GRM7: variants seen among roughly 807,000 people sequenced by gnomAD.
GRM7 encodes metabotropic glutamate receptor 7.
A neutral mutation model predicts 84.5 loss-of-function variants in GRM7; 35 were observed. That is an observed-to-expected ratio of 0.41 (90% CI 0.32 to 0.55). The LOEUF (loss-of-function observed/expected upper bound fraction) is 0.55. GRM7 is among the 20% of genes least tolerant of loss of function. The pLI is 0.19. For missense variants in GRM7, 1,003 were observed against 1,194.6 expected (o/e 0.84, Z 2.36); for synonymous variants, 487 against 455.1 (o/e 1.07, Z -0.89).
chr3:7,333,864 C>T (rs911318068), intron 4 of GRM7, among the ~76,000 whole-genome samples: 4 of 151,978 alleles, frequency 2.6e-5, no homozygotes, highest in Non-Finnish European at 5.9e-5. Flanking sequence ...GAAGAAAGAA[C>T]TTCAGAGCTC....
chr3:7,385,978 GCATA>G (rs761001260), intron 4 of GRM7, among the ~76,000 whole-genome samples: 3 of 152,158 alleles, frequency 2.0e-5, no homozygotes, highest in Non-Finnish European at 4.4e-5. Flanking sequence ...AGCAAAACGT[GCATA>G]CAGTCTGATT....
Position 7,337,605 on chromosome 3 carries a change from C to T in GRM7, c.1033+30953C>T, listed in dbSNP as rs577621824. ...TTAAAAAGTGGGCTAAGGACATGAA[C>T]AGACAATTCTCAAAAGATACACAAA... On this transcript the variant is annotated intron_variant, in intron 4 of 9. Transcript: ENST00000357716. Among the ~76,000 whole-genome samples the T allele has an allele frequency of 7.9e-5, 12 of 151,924 alleles. No homozygotes were observed. In the South Asian group the frequency reaches 2.5e-3, roughly 32 times the overall value.
chr3:7,588,290 G>A lies in GRM7; in HGVS notation c.2451+8933G>A, dbSNP rs145677338. On this transcript the variant is annotated intron_variant, in intron 8 of 9. Transcript: ENST00000357716. ...TCCTCAAATGACTGGCACTTGGGGC[G>A]TAAGAGTTCAGGGCACATGCCACCT... Among the ~76,000 whole-genome samples the A allele has an allele frequency of 7.2e-3, 1,103 of 152,262 alleles. 14 individuals carry two copies. Among genetic ancestry groups the A allele is most frequent in the African/African-American group, 0.025 (1,042 of 41,532 alleles).
chr3:7,298,249 T>C lies in GRM7; in HGVS notation c.737-435T>C, dbSNP rs191055520. On this transcript the variant is annotated intron_variant, in intron 2 of 9. Transcript: ENST00000357716. ...AGAGATGGGTATAAAGGGAAAAAAT[T>C]CTGGGAATGCAAACGCCACAAAAGT... is the stretch of plus-strand genomic sequence containing the variant. Among the ~76,000 whole-genome samples, 615 of 152,264 alleles carry C rather than the reference T, an allele frequency of 4.0e-3. 5 individuals carry two copies. The highest frequency in any genetic ancestry group is 0.014 in the African/African-American group (577 of 41,546).
intron 1 of GRM7, among the ~76,000 whole-genome samples, chr3:7,026,736 G>A (rs1695995414): frequency 6.6e-6 from 1 of 152,192 alleles, no homozygotes; most frequent in Non-Finnish European, 1.5e-5. Flanking sequence ...CACTCTGCTA[G>A]TGTAAATACC....
At chr3:7,623,136 T>C (rs1697437800) in intron 8 of GRM7, among the ~76,000 whole-genome samples, 1 of 151,934 alleles carries the variant, frequency 6.6e-6, no homozygotes, top group Admixed American at 6.6e-5. Flanking sequence ...ACACGAGAAG[T>C]AGAGGTGATG....
At chr3:6,967,750 T>G (rs1051322732) in intron 1 of GRM7, among the ~76,000 whole-genome samples, 2 of 152,178 alleles carry the variant, frequency 1.3e-5, no homozygotes, top group African/African-American at 4.8e-5. Context: ...ACCTCAGTGC[T>G]TTATTTCAAT....
At chr3:7,376,976 C>G (rs1363372924) in intron 4 of GRM7, among the ~76,000 whole-genome samples, 1 of 152,172 alleles carries the variant, frequency 6.6e-6, no homozygotes, top group African/African-American at 2.4e-5. Context: ...CAAACGTCCC[C>G]TGGGGGACGA....
chr3:7,572,489 T>A (rs1694717697), intron 7 of GRM7, among the ~76,000 whole-genome samples: 2 of 151,870 alleles, frequency 1.3e-5, no homozygotes, highest in Non-Finnish European at 2.9e-5. Flanking sequence ...TCTGGATCCT[T>A]CTATGGATGC....
At chr3:7,526,197 A>G (rs1019551263) in intron 7 of GRM7, among the ~76,000 whole-genome samples, 4 of 152,104 alleles carry the variant, frequency 2.6e-5, no homozygotes, top group African/African-American at 9.7e-5. Context: ...AATCTTGCCA[A>G]CATCTGTTAT....
intron 1 of GRM7, among the ~76,000 whole-genome samples, chr3:6,971,121 C>T (rs192145434): frequency 1.7e-4 from 26 of 150,262 alleles, no homozygotes; most frequent in East Asian, 5.8e-4. Flanking sequence ...CAGTATTTAC[C>T]GAGGGAGAGG....
chr3:7,404,730 G>A lies in GRM7; in HGVS notation c.1034-10293G>A, dbSNP rs1053633366. On this transcript the variant is annotated intron_variant, in intron 4 of 9. Coordinates refer to ENST00000357716, the MANE Select transcript of GRM7 (RefSeq NM_000844.4). ...AAGATCTTGTCCATCTCTTCCAACA[G>A]GAAGCATCTTGTTGGTCCAGTTGGA... Among the ~76,000 whole-genome samples the A allele has an allele frequency of 2.6e-5, 4 of 151,876 alleles. No individual in the cohort carries two copies. In the East Asian group the frequency reaches 7.7e-4, roughly 29 times the overall value.
At chr3:6,939,759 T>G (rs1439846499) in intron 1 of GRM7, among the ~76,000 whole-genome samples, 1 of 152,172 alleles carries the variant, frequency 6.6e-6, no homozygotes, top group Non-Finnish European at 1.5e-5. Context: ...AGATATAATC[T>G]TAAATTGAAT....
intron 9 of GRM7, among the ~76,000 whole-genome samples, chr3:7,704,424 A>T (rs377385741): frequency 6.6e-6 from 1 of 152,160 alleles, no homozygotes; most frequent in Non-Finnish European, 1.5e-5. Flanking sequence ...TGAATGATAA[A>T]AAGTTTGAGA....
At chr3:7,336,223 G>T (rs544955371) in intron 4 of GRM7, among the ~76,000 whole-genome samples, 11 of 152,162 alleles carry the variant, frequency 7.2e-5, no homozygotes, top group South Asian at 4.1e-4. Flanking sequence ...TACCTGGGAT[G>T]CAGGGTTGGT....
intron 1 of GRM7, among the ~76,000 whole-genome samples, chr3:7,031,393 T>C (rs932458109): frequency 2.7e-5 from 4 of 150,584 alleles, no homozygotes; most frequent in Admixed American, 1.3e-4. Context: ...ATACTTTTTT[T>C]AAATTTTTTA....
At chr3:7,113,207 C>T (rs1043173613) in intron 1 of GRM7, among the ~76,000 whole-genome samples, 15 of 152,022 alleles carry the variant, frequency 9.9e-5, no homozygotes, top group East Asian at 3.9e-4. Flanking sequence ...AAAATATGTA[C>T]GAAACAATTC....
chr3:6,861,488 G>C lies in GRM7; in HGVS notation c.100G>C (p.Gly34Arg). 2 of 1,579,638 alleles carry C rather than the reference G, an allele frequency of 1.3e-6. No homozygotes were observed. The highest frequency in any genetic ancestry group is 1.2e-5 in the South Asian group (1 of 86,058). ...LLCALAAAAR[G>R]QEMYAPHSIR... ...GTGCGCGCTGGCGGCGGCGGCGCGC[G>C]GCCAGGAGATGTACGCCCCGCACTC... is the stretch of plus-strand genomic sequence containing the variant. Residue 34 changes from glycine (G) to arginine (R), a missense_variant, in exon 1 of 10, where the codon GGC becomes CGC. This residue lies in a region of GRM7 where 93 missense variants were observed against 68.6 expected (regional missense o/e 1.36). Coordinates refer to ENST00000357716, the MANE Select transcript of GRM7 (RefSeq NM_000844.4). This position sits in a 1 kb window ranked among gnomAD's most constrained non-coding sequence, Gnocchi z 6.4.
intron 1 of GRM7, among the ~76,000 whole-genome samples, chr3:6,945,130 T>C (rs867177109): frequency 1.3e-5 from 2 of 152,118 alleles, no homozygotes; most frequent in Non-Finnish European, 1.5e-5. Flanking sequence ...GTTACATATG[T>C]ATACATGTGC....
Sources: allele counts gnomAD v4.1 joint callset (sites outside exome capture counted in the v4.1 genomes callset), GRCh38; gene constraint gnomAD v4.1.1; regional missense constraint gnomAD v4.1.1; non-coding constraint Gnocchi (gnomAD v3.1); transcripts MANE v1.5; gene names NCBI Gene and HGNC (gene_info 2026-07-23, HGNC 2026-07-21).